FMR1NB: variants seen among roughly 807,000 people sequenced by gnomAD.
FMR1NB encodes the protein FMR1 neighbor protein.
A neutral mutation model predicts 16.8 loss-of-function variants in FMR1NB; 10 were observed. That is an observed-to-expected ratio of 0.60 (90% confidence interval 0.37 to 1.01). The LOEUF (loss-of-function observed/expected upper bound fraction) is 1.01, where lower values mean the gene tolerates loss of function less well. FMR1NB is among the 50% of genes least tolerant of loss of function. The probability of loss-of-function intolerance (pLI) is 0.01; values close to 1 mark genes in which losing one functional copy is unlikely to be tolerated. For missense variants in FMR1NB, 205 were observed against 204.8 expected (o/e 1.00, Z 0.00); for synonymous variants, 83 against 79.1 (o/e 1.05, Z -0.26).
intron 4 of FMR1NB, among the ~76,000 whole-genome samples, chrX:148,010,731 C>G (rs1484689362): frequency 1.8e-5 from 2 of 111,475 alleles, no homozygotes; most frequent in African/African-American, 6.5e-5. Flanking sequence ...TTATGACTAT[C>G]TGCAGTAATG....
intron 4 of FMR1NB, 34 bp downstream of exon 4, chrX:148,008,745 T>C (rs367786303): frequency 1.8e-6 from 2 of 1,102,570 alleles, no homozygotes; most frequent in Non-Finnish European, 2.5e-6. Context: ...TGCTCGTTGC[T>C]AAGTATACAT....
intron 4 of FMR1NB, 89 bp from the exon 5 acceptor site, chrX:148,024,776 T>C: frequency 9.5e-7 from 1 of 1,055,553 alleles, no homozygotes; most frequent in Non-Finnish European, 1.3e-6. Context: ...TATAGTTATC[T>C]GGGCAAATAT....
rs1485701724 is a variant in FMR1NB, at chrX:147,982,710, G to A, written c.277+1031G>A. On this transcript the variant is annotated intron_variant, in intron 1 of 5. Transcript: ENST00000370467. ...AGATCGAGACCATCCTGGTTAACACGGTGAAACCCCGTCTGTACTAAAAAT... is the reference window on the plus strand; with the variant it reads ...AGATCGAGACCATCCTGGTTAACACAGTGAAACCCCGTCTGTACTAAAAAT... Among the ~76,000 whole-genome samples, 3 of 108,604 alleles carry A rather than the reference G, an allele frequency of 2.8e-5. No individual in the cohort carries two copies. The East Asian group carries it at 8.7e-4, about 32-fold the overall frequency. 94.3% of individuals were successfully genotyped at this position (108,604 alleles called of 115,157 possible). A position where few individuals can be genotyped will look rare whatever the true frequency, so the allele number is the denominator to read the frequency against.
intron 1 of FMR1NB, among the ~76,000 whole-genome samples, chrX:148,002,800 A>T (rs1298279580): frequency 8.9e-6 from 1 of 112,260 alleles, no homozygotes; most frequent in Non-Finnish European, 1.9e-5. Context: ...ACTGTATGTA[A>T]GGCCTTGATT....
At chrX:148,025,213 A>G (rs782220152) in intron 5 of FMR1NB, among the ~76,000 whole-genome samples, 200 bp downstream of exon 5, 3 of 111,365 alleles carry the variant, frequency 2.7e-5, no homozygotes, top group Non-Finnish European at 3.8e-5. Flanking sequence ...AATGTGCCAA[A>G]TTGTTTTGAG....
intron 1 of FMR1NB, among the ~76,000 whole-genome samples, chrX:147,991,861 T>C (rs1449863415): frequency 3.8e-5 from 4 of 106,622 alleles, no homozygotes; most frequent in Non-Finnish European, 1.9e-5. Context: ...GTGATGACTC[T>C]TAACGAGCAT....
intron 1 of FMR1NB, among the ~76,000 whole-genome samples, chrX:147,998,904 A>G (rs1016307049): frequency 8.9e-6 from 1 of 112,119 alleles, no homozygotes; most frequent in Non-Finnish European, 1.9e-5. Context: ...TATGGTTGAG[A>G]CTGCCACTGA....
chrX:148,021,104 G>T (rs1444735296), intron 4 of FMR1NB, among the ~76,000 whole-genome samples: 2 of 111,966 alleles, frequency 1.8e-5, no homozygotes, highest in East Asian at 2.8e-4. Flanking sequence ...GCTAGGTCTG[G>T]TTTAAATAGT....
At chrX:147,992,264 C>T (rs1159766040) in intron 1 of FMR1NB, among the ~76,000 whole-genome samples, 1 of 91,901 alleles carries the variant, frequency 1.1e-5, no homozygotes, top group Non-Finnish European at 2.2e-5. Context: ...ACCTCCCGGA[C>T]GGGGCGGCTG....
intron 1 of FMR1NB, among the ~76,000 whole-genome samples, chrX:147,995,847 C>T (rs782084411): frequency 2.7e-5 from 3 of 112,378 alleles, no homozygotes; most frequent in African/African-American, 6.4e-5. Flanking sequence ...ACCCTGTGTA[C>T]GTGTGGTGTA....
chrX:148,006,963 C>T lies in FMR1NB; in HGVS notation c.538+121C>T, dbSNP rs782746820. ...TTAAATGGGACTCCCAGTCCTAGAGCGGTGCTCCTTAGAAGGTCCTGAGGT... is the reference window on the plus strand; with the variant it reads ...TTAAATGGGACTCCCAGTCCTAGAGTGGTGCTCCTTAGAAGGTCCTGAGGT... On this transcript the variant is annotated intron_variant, in intron 3 of 5. Coordinates refer to ENST00000370467, the MANE Select transcript of FMR1NB (RefSeq NM_152578.3). The T allele has an allele frequency of 8.9e-6, 7 of 789,513 alleles. No homozygotes were observed. The Admixed American group carries it at 1.1e-4, about 12-fold the overall frequency. 65.1% of individuals were successfully genotyped at this position (789,513 alleles called of 1,213,427 possible). A position where few individuals can be genotyped will look rare whatever the true frequency, so the allele number is the denominator to read the frequency against.
At chrX:148,017,504 G>T (rs1557190217) in intron 4 of FMR1NB, among the ~76,000 whole-genome samples, 1 of 108,432 alleles carries the variant, frequency 9.2e-6, no homozygotes, top group Non-Finnish European at 1.9e-5. Context: ...CTAACTCTTA[G>T]ATTTGTCCTT....
At chrX:147,984,005 C>G (rs536147696) in intron 1 of FMR1NB, among the ~76,000 whole-genome samples, 2 of 111,696 alleles carry the variant, frequency 1.8e-5, no homozygotes, top group South Asian at 3.8e-4. Context: ...CTCTTGGCAG[C>G]CTTCTGAAAA....
intron 1 of FMR1NB, among the ~76,000 whole-genome samples, chrX:147,998,364 A>G (rs1406598100): frequency 1.8e-5 from 2 of 108,416 alleles, no homozygotes; most frequent in African/African-American, 3.6e-5. Flanking sequence ...ACAGAAAACT[A>G]AACACCGCAT....
At chrX:148,025,874 ACT>A (rs2044701168) in intron 5 of FMR1NB, 1 of 111,671 alleles carries the variant, frequency 9.0e-6, no homozygotes, top group African/African-American at 3.2e-5. Flanking sequence ...GTGTCAGGAG[ACT>A]CTGGCTTTAG....
intron 3 of FMR1NB, among the ~76,000 whole-genome samples, chrX:148,007,715 T>C (rs2124622252): frequency 8.9e-6 from 1 of 112,409 alleles, no homozygotes; most frequent in Admixed American, 9.4e-5. Flanking sequence ...GTTGCTCTCA[T>C]GATGCATGGA....
At chrX:148,017,461 C>T (rs991492133) in intron 4 of FMR1NB, among the ~76,000 whole-genome samples, 1 of 110,069 alleles carries the variant, frequency 9.1e-6, no homozygotes, top group African/African-American at 3.3e-5. Context: ...AAACTTTTAC[C>T]CCATCACCTT....
At chrX:147,990,126 T>C (rs782400165) in intron 1 of FMR1NB, among the ~76,000 whole-genome samples, 1 of 110,766 alleles carries the variant, frequency 9.0e-6, no homozygotes, top group Non-Finnish European at 1.9e-5. Context: ...CCCAGGGCCC[T>C]GGTGGTGTAG....
intron 1 of FMR1NB, among the ~76,000 whole-genome samples, chrX:147,993,165 G>A (rs782702481): frequency 4.4e-5 from 5 of 112,955 alleles, no homozygotes; most frequent in East Asian, 5.7e-4. Flanking sequence ...CTGCAATTCC[G>A]GCACCTCGGG....
Sources: gnomAD v4.1 joint callset for allele counts (sites outside exome capture counted in the v4.1 genomes callset) on GRCh38, gnomAD v4.1.1 for gene constraint, MANE v1.5 for transcripts, NCBI Gene and HGNC (gene_info 2026-07-23, HGNC 2026-07-21) for gene names.